NCOA3: variants seen among roughly 807,000 people sequenced by gnomAD.
NCOA3 encodes the protein nuclear receptor coactivator 3.
A neutral mutation model predicts 158.8 loss-of-function variants in NCOA3; 51 were observed. That is an observed-to-expected ratio of 0.32 (90% CI 0.26 to 0.41). The LOEUF is 0.41. Ranked by LOEUF, NCOA3 falls within the 10% of genes least tolerant of loss-of-function variation. NCOA3 has a pLI of 1.00. For synonymous variants in NCOA3, 537 were observed against 592.4 expected, an observed-to-expected ratio of 0.91 and a Z score of 1.36; for missense variants, 1,510 against 1,746.6, an observed-to-expected ratio of 0.86 and a Z score of 2.41.
intron 22 of NCOA3, 75 bp downstream of exon 22, chr20:47,653,147 T>A: frequency 1.3e-6 from 2 of 1,514,678 alleles, no homozygotes; most frequent in Non-Finnish European, 1.8e-6. Flanking sequence ...TAGGCTATAA[T>A]CAGAATGTCC....
chr20:47,578,722 A>G (rs2085409469), intron 1 of NCOA3, among the ~76,000 whole-genome samples: 1 of 152,164 alleles, frequency 6.6e-6, no homozygotes, highest in Non-Finnish European at 1.5e-5. Flanking sequence ...TTGGTGACCC[A>G]GTCTACTCTG....
intron 21 of NCOA3, 134 bp from the exon 22 acceptor site, chr20:47,652,797 C>T: frequency 9.1e-7 from 1 of 1,093,476 alleles, no homozygotes; most frequent in Non-Finnish European, 1.3e-6. Flanking sequence ...GGATCACAGG[C>T]TGTCAGGGAG....
At chr20:47,557,457 C>T (rs926306344) in intron 1 of NCOA3, among the ~76,000 whole-genome samples, 1 of 152,180 alleles carries the variant, frequency 6.6e-6, no homozygotes, top group African/African-American at 2.4e-5. Context: ...CTTAAGGCCG[C>T]ATAACTAGTA....
chr20:47,505,841 G>T (rs1320012144), intron 1 of NCOA3, among the ~76,000 whole-genome samples: 2 of 118,838 alleles, frequency 1.7e-5, no homozygotes, highest in African/African-American at 3.2e-5. Flanking sequence ...TCACTCTGTT[G>T]CTCAGGCTGG....
intron 1 of NCOA3, among the ~76,000 whole-genome samples, chr20:47,581,504 G>T (rs72662724): frequency 0.028 from 4,253 of 152,200 alleles, 70 homozygotes; most frequent in Non-Finnish European, 0.04. Flanking sequence ...ACTACACTAC[G>T]TGGAATGTCC....
chr20:47,538,096 T>C (rs1305816217), intron 1 of NCOA3, among the ~76,000 whole-genome samples: 1 of 150,908 alleles, frequency 6.6e-6, no homozygotes, highest in Non-Finnish European at 1.5e-5. Flanking sequence ...GCCAGGCTGG[T>C]CTTGAACTCC....
At chr20:47,597,675 G>GA (rs948487714) in intron 2 of NCOA3, among the ~76,000 whole-genome samples, 13 of 151,652 alleles carry the variant, frequency 8.6e-5, no homozygotes, top group African/African-American at 2.9e-4. Flanking sequence ...TTTTAGTAGA[G>GA]ATAGGGTCTC....
At chr20:47,543,952 A>AT (rs943228211) in intron 1 of NCOA3, among the ~76,000 whole-genome samples, 93 of 151,980 alleles carry the variant, frequency 6.1e-4, no homozygotes, top group African/African-American at 2.1e-3. Context: ...GGTAAAAAAC[A>AT]TTTTTTTTCT....
At chr20:47,567,021 T>C (rs1269292645) in intron 1 of NCOA3, among the ~76,000 whole-genome samples, 33 of 137,470 alleles carry the variant, frequency 2.4e-4, no homozygotes, top group South Asian at 1.2e-3. Flanking sequence ...ACTATGTATG[T>C]ATGTATGTAT....
intron 16 of NCOA3, 27 bp downstream of exon 16, chr20:47,640,078 G>GA (rs765681204): frequency 2.5e-6 from 4 of 1,613,786 alleles, no homozygotes; most frequent in East Asian, 2.2e-5. Flanking sequence ...TGACTCTGTA[G>GA]AAAATCTCAG....
rs181802310 is a variant in NCOA3, at chr20:47,593,087, C to G, written c.-20+9826C>G. 2.3e-3 allele frequency among the ~76,000 whole-genome samples: 353 copies of G among 152,190 alleles called. 2 individuals carry two copies. Among genetic ancestry groups the G allele is most frequent in the Non-Finnish European group, 2.7e-3 (182 of 68,014 alleles). On this transcript the variant is annotated intron_variant, in intron 2 of 22. Coordinates refer to ENST00000371998, the MANE Select transcript of NCOA3 (RefSeq NM_181659.3). Reference sequence around the variant, plus strand: ...TAGCTCGGGTTACAGGCATCCGCCACCACACCCTGCTAATGTTTTGTATTT... The same window carrying G: ...TAGCTCGGGTTACAGGCATCCGCCAGCACACCCTGCTAATGTTTTGTATTT...
At chr20:47,591,039 G>C (rs1168287724) in intron 2 of NCOA3, among the ~76,000 whole-genome samples, 1 of 152,090 alleles carries the variant, frequency 6.6e-6, no homozygotes, top group Non-Finnish European at 1.5e-5. Context: ...AACCCCAGGG[G>C]GCAGAGGCTG....
At chr20:47,606,677 A>C (rs967727459) in intron 2 of NCOA3, among the ~76,000 whole-genome samples, 7 of 152,224 alleles carry the variant, frequency 4.6e-5, no homozygotes, top group African/African-American at 1.7e-4. Flanking sequence ...TCTCCGGGAA[A>C]AGCACTTGCG....
intron 2 of NCOA3, among the ~76,000 whole-genome samples, chr20:47,610,495 C>T (rs531652355): frequency 1.1e-4 from 17 of 152,256 alleles, no homozygotes; most frequent in African/African-American, 2.9e-4. Context: ...GTTGGGATTA[C>T]AGGTGTGAGC....
intron 1 of NCOA3, among the ~76,000 whole-genome samples, chr20:47,542,399 G>T (rs935128205): frequency 6.6e-6 from 1 of 152,008 alleles, no homozygotes; most frequent in East Asian, 1.9e-4. Context: ...TGGTTTTTCA[G>T]TGTGTCCTCT....
At chr20:47,620,583 C>T (rs1485549585) in intron 2 of NCOA3, among the ~76,000 whole-genome samples, 4 of 152,328 alleles carry the variant, frequency 2.6e-5, no homozygotes, top group African/African-American at 7.2e-5. Context: ...CTTGCTCTGC[C>T]TGTCCCCATT....
intron 1 of NCOA3, among the ~76,000 whole-genome samples, chr20:47,545,447 G>A (rs1230657551): frequency 6.6e-6 from 1 of 152,056 alleles, no homozygotes; most frequent in Non-Finnish European, 1.5e-5. Flanking sequence ...AAAGTGCTGG[G>A]ATTACTGGCG....
intron 1 of NCOA3, among the ~76,000 whole-genome samples, chr20:47,572,503 T>C (rs1200475857): frequency 1.3e-5 from 2 of 152,008 alleles, no homozygotes; most frequent in African/African-American, 4.8e-5. Context: ...TTGACATGCC[T>C]TCCTCACTAA....
chr20:47,562,903 A>G (rs1268498588), intron 1 of NCOA3, among the ~76,000 whole-genome samples: 1 of 152,134 alleles, frequency 6.6e-6, no homozygotes, highest in East Asian at 1.9e-4. Flanking sequence ...TACTTTTATG[A>G]TTATTAAAAG....
Sources: gnomAD v4.1 joint callset for allele counts (sites outside exome capture counted in the v4.1 genomes callset) on GRCh38, gnomAD v4.1.1 for gene constraint, MANE v1.5 for transcripts, NCBI Gene and HGNC (gene_info 2026-07-23, HGNC 2026-07-21) for gene names.